GAL3ST2: variants seen among roughly 807,000 people sequenced by gnomAD.
GAL3ST2 encodes beta-galactose-3-O-sulfotransferase 2.
GAL3ST2 carries 16 observed loss-of-function variants against 12.9 expected under a neutral mutation model. That is an observed-to-expected ratio of 1.24 (90% CI 0.84 to 1.88). The LOEUF is 1.88. Among genes scored for constraint, GAL3ST2 ranks in the 40% most tolerant of loss-of-function variants. The pLI is 0.00. For synonymous variants in GAL3ST2, 302 were observed against 273.9 expected (o/e 1.10, Z -1.01); for missense variants, 639 against 571.8 (o/e 1.12, Z -1.20).
At chr2:241,787,410 C>A (rs76476441) in intron 1 of GAL3ST2, among the ~76,000 whole-genome samples, 1 of 152,188 alleles carries the variant, frequency 6.6e-6, no homozygotes, top group African/African-American at 2.4e-5. Context: ...TTGGTATTGG[C>A]ATGAGCTAAC....
In GAL3ST2 at chr2:241,795,382, G is replaced by GTATTGTAA. The variant is rs1699760491; in HGVS notation, c.30-3682_30-3675dup. On this transcript the variant is annotated intron_variant, in intron 1 of 3. Transcript: ENST00000192314. The surrounding 1 kb of genome is among the most constrained non-coding windows in gnomAD (Gnocchi z 4.5). ...TCATGCTGCCGCAAGGCCAAGGGGG[G>GTATTGTAA]TATTGTAAGTGTGAAAGCAGCATCT... Among the ~76,000 whole-genome samples, 1 of 152,244 alleles carries GTATTGTAA rather than the reference G, an allele frequency of 6.6e-6. No individual in the cohort carries two copies. Among genetic ancestry groups the GTATTGTAA allele is most frequent in the South Asian group, 2.1e-4 (1 of 4,838 alleles).
In GAL3ST2 at chr2:241,799,125, C is replaced by T. The variant is rs746554848; in HGVS notation, c.90C>T (p.Phe30=). ...LALTLLLLAG[F]LHSDLELDTP... ...TGACTCTGCTCCTGCTGGCCGGATT[C>T]CTGCACTCGGACTTAGAGCTGGACA... The change falls in exon 2 of 4, where the codon TTC becomes TTT. Residue 30 remains phenylalanine, a synonymous_variant. Coordinates refer to ENST00000192314, the MANE Select transcript of GAL3ST2 (RefSeq NM_022134.3). The T allele has an allele frequency of 3.7e-6, 6 of 1,613,838 alleles. No homozygotes were observed. Among genetic ancestry groups the T allele is most frequent in the African/African-American group, 1.3e-5 (1 of 75,064 alleles).
chr2:241,784,231 C>G (rs1209148911), intron 1 of GAL3ST2, among the ~76,000 whole-genome samples: 2 of 152,128 alleles, frequency 1.3e-5, no homozygotes, highest in East Asian at 3.9e-4. Context: ...AACGGCATTT[C>G]ACCGTGTTAG....
chr2:241,790,422 G>T (rs186202569), intron 1 of GAL3ST2, among the ~76,000 whole-genome samples: 2 of 152,210 alleles, frequency 1.3e-5, no homozygotes, highest in East Asian at 3.9e-4. Flanking sequence ...TTGAGCTATT[G>T]ACAGCTTTTT....
chr2:241,785,785 C>CA (rs1157078933), intron 1 of GAL3ST2, among the ~76,000 whole-genome samples: 1 of 151,716 alleles, frequency 6.6e-6, no homozygotes, highest in Non-Finnish European at 1.5e-5. Flanking sequence ...AACTTTTGCT[C>CA]AAAAAAAGGA....
At position 241,793,541 on chromosome 2, in the gene GAL3ST2, G is replaced by A. The variant is rs1699728024; in HGVS notation, c.30-5524G>A. Reference sequence around the variant, plus strand: ...ATGTGTGTATTGTGTTTATATGTATGTGTGTATATGTATGTATGTGTATAT... The same window carrying A: ...ATGTGTGTATTGTGTTTATATGTATATGTGTATATGTATGTATGTGTATAT... On this transcript the variant is annotated intron_variant, in intron 1 of 3. Transcript: ENST00000192314. The surrounding 1 kb of genome is among the most constrained non-coding windows in gnomAD (Gnocchi z 4.7). 6.6e-6 allele frequency among the ~76,000 whole-genome samples: 1 copy of A among 151,752 alleles called. No individual in the cohort carries two copies. Among genetic ancestry groups the A allele is most frequent in the South Asian group, 2.1e-4 (1 of 4,822 alleles).
intron 2 of GAL3ST2, 32 bp downstream of exon 2, chr2:241,799,186 C>G: frequency 6.3e-7 from 1 of 1,585,690 alleles, no homozygotes; most frequent in South Asian, 1.1e-5. Context: ...AGTCCTGCCC[C>G]GGGTACCTCC....
chr2:241,784,253 T>C (rs2125190169), intron 1 of GAL3ST2, among the ~76,000 whole-genome samples: 1 of 152,280 alleles, frequency 6.6e-6, no homozygotes, highest in Admixed American at 6.5e-5. Context: ...CAGGATGGTC[T>C]CGATCTCCTA....
rs143743217 is a variant in GAL3ST2, at chr2:241,778,997, G to A, written c.29+2013G>A. 8.4e-3 allele frequency among the ~76,000 whole-genome samples: 1,282 copies of A among 152,210 alleles called. 16 individuals carry two copies. The highest frequency in any genetic ancestry group is 0.028 in the African/African-American group (1,146 of 41,504). On this transcript the variant is annotated intron_variant, in intron 1 of 3. Transcript: ENST00000192314. ...ACAATGGGGGGCAGGTTTGCCCTGA[G>A]CAGTTCCCAGCTAGACTCCTCCCTT... is the stretch of plus-strand genomic sequence containing the variant.
chr2:241,794,425 G>A (rs929373840), intron 1 of GAL3ST2, among the ~76,000 whole-genome samples: 12 of 152,202 alleles, frequency 7.9e-5, no homozygotes, highest in African/African-American at 2.9e-4. Flanking sequence ...CTGGAACTGG[G>A]CCAGTGCCTC....
chr2:241,797,909 T>C (rs534691968), intron 1 of GAL3ST2, among the ~76,000 whole-genome samples: 1 of 152,290 alleles, frequency 6.6e-6, no homozygotes, highest in African/African-American at 2.4e-5. Context: ...CCTTGTGTCC[T>C]CTCCAGATGC....
In GAL3ST2 at chr2:241,802,021, G is replaced by A; in HGVS notation, c.360G>A (p.Arg120=). 1 of 1,611,578 alleles carries A rather than the reference G, an allele frequency of 6.2e-7. No homozygotes were observed. Among genetic ancestry groups the A allele is most frequent in the Non-Finnish European group, 8.5e-7 (1 of 1,179,342 alleles). The stretch of plus-strand genomic sequence containing the variant: ...TCAACATCATGTGCAACCACCTGAG[G>A]TTCAACCTGCCTCAGGTACCGCGGG... ...QRFNIMCNHL[R]FNLPQVQKVM... is the part of the protein sequence containing the mutation. The change falls in exon 3 of 4, where the codon AGG becomes AGA. Residue 120 remains arginine, a synonymous_variant. Coordinates refer to ENST00000192314, the MANE Select transcript of GAL3ST2 (RefSeq NM_022134.3). This position sits in a 1 kb window ranked among gnomAD's most constrained non-coding sequence, Gnocchi z 4.8.
rs115913000 is a variant in GAL3ST2, at chr2:241,804,067, C to T, written c.1098C>T (p.Cys366=). 25 of 1,550,534 alleles carry T rather than the reference C, an allele frequency of 1.6e-5. No individual in the cohort carries two copies. In the African/African-American group the frequency reaches 2.3e-4, roughly 15 times the overall value. ...PGLDNQTLGV[C]QRLVMPELQY... is the part of the protein sequence containing the mutation. ...TGGACAACCAGACGCTGGGCGTGTGCCAGAGGCTTGTGATGCCTGAGCTCC... is the reference window on the plus strand; with the variant it reads ...TGGACAACCAGACGCTGGGCGTGTGTCAGAGGCTTGTGATGCCTGAGCTCC... The change falls in exon 4 of 4, where the codon TGC becomes TGT. Residue 366 remains cysteine (C), a synonymous_variant. Coordinates refer to ENST00000192314, the MANE Select transcript of GAL3ST2 (RefSeq NM_022134.3).
chr2:241,799,690 G>T (rs945982917), intron 2 of GAL3ST2, among the ~76,000 whole-genome samples: 2 of 152,166 alleles, frequency 1.3e-5, no homozygotes, highest in Non-Finnish European at 2.9e-5. Flanking sequence ...TCCAGGCCCC[G>T]CCACTCCCCA....
At chr2:241,796,791 G>A (rs927978117) in intron 1 of GAL3ST2, among the ~76,000 whole-genome samples, 13 of 152,150 alleles carry the variant, frequency 8.5e-5, no homozygotes, top group Non-Finnish European at 1.5e-4. Context: ...TCCCGTGGGG[G>A]GCTGGGCTGT....
Position 241,798,989 on chromosome 2 carries a change from C to G in GAL3ST2, c.30-76C>G. 1.7e-6 allele frequency: 2 copies of G among 1,207,168 alleles called. 1 individual carries two copies. Among genetic ancestry groups the G allele is most frequent in the South Asian group, 2.4e-5 (2 of 82,628 alleles). The allele number at this position is 1,207,168 out of a possible 1,614,324, so 74.8% of individuals were successfully genotyped here. A position where few individuals can be genotyped will look rare whatever the true frequency, so the allele number is the denominator to read the frequency against. ...AGACCTGTGTGGCCCAAGGCCTGGA[C>G]TTGGCTGCAGGATGGGAGGTGGGGG... On this transcript the variant is annotated intron_variant, in intron 1 of 3. Transcript: ENST00000192314.
At chr2:241,787,676 C>T (rs142968599) in intron 1 of GAL3ST2, among the ~76,000 whole-genome samples, 1 of 151,682 alleles carries the variant, frequency 6.6e-6, no homozygotes, top group African/African-American at 2.4e-5. Context: ...AGTTTCTTTT[C>T]CTGCTCTAGG....
rs1699813491 is a variant in GAL3ST2 at position 241,799,173 on chromosome 2, A to G, written c.119+19A>G. 7 of 1,608,768 alleles carry G rather than the reference A, an allele frequency of 4.4e-6. No individual in the cohort carries two copies. The highest frequency in any genetic ancestry group is 3.3e-5 in the South Asian group (3 of 90,990). On this transcript the variant is annotated intron_variant, in intron 2 of 3. Coordinates refer to ENST00000192314, the MANE Select transcript of GAL3ST2 (RefSeq NM_022134.3). ...ACACACCGTAAGTCCTGCCCCCACC[A>G]TAAGTCCTGCCCCGGGTACCTCCTA...
In GAL3ST2 at chr2:241,797,642, G is replaced by A. The variant is rs370185171; in HGVS notation, c.30-1423G>A. 3.5e-3 allele frequency among the ~76,000 whole-genome samples: 523 copies of A among 149,418 alleles called. 1 individual carries two copies. The highest frequency in any genetic ancestry group is 0.013 in the African/African-American group (496 of 39,294). On this transcript the variant is annotated intron_variant, in intron 1 of 3. Coordinates refer to ENST00000192314, the MANE Select transcript of GAL3ST2 (RefSeq NM_022134.3). Reference sequence around the variant, plus strand: ...TGGCAGAGCCAGCCCAGCCCTCCCCGCTGCTCCCATGGCAGCGCAGGAATG... The same window carrying A: ...TGGCAGAGCCAGCCCAGCCCTCCCCACTGCTCCCATGGCAGCGCAGGAATG...
Sources: gnomAD v4.1 joint callset for allele counts (sites outside exome capture counted in the v4.1 genomes callset) on GRCh38, gnomAD v4.1.1 for gene constraint, Gnocchi (gnomAD v3.1) non-coding constraint, MANE v1.5 for transcripts, NCBI Gene and HGNC (gene_info 2026-07-23, HGNC 2026-07-21) for gene names.